The following AKAP13 variants were observed in gnomAD, a reference collection of about 807,000 sequenced individuals.
AKAP13 encodes A-kinase anchoring protein 13.
AKAP13 carries 80 observed loss-of-function variants against 264.5 expected under a neutral mutation model. The ratio of observed to expected loss-of-function variants is 0.30; its 90% CI spans 0.25 to 0.36. The LOEUF is 0.36. Among genes scored for constraint, AKAP13 ranks in the 10% least tolerant of loss-of-function variants. The pLI is 1.00. For synonymous variants in AKAP13, 1,380 were observed against 1,250.2 expected, an observed-to-expected ratio of 1.10 and a Z score of -2.19; for missense variants, 3,712 against 3,435.2, an observed-to-expected ratio of 1.08 and a Z score of -2.01.
chr15:85,699,988 G>A (rs1200776178), intron 17 of AKAP13, among the ~76,000 whole-genome samples: 1 of 152,224 alleles, frequency 6.6e-6, no homozygotes, highest in East Asian at 1.9e-4. Flanking sequence ...GTTATAATGA[G>A]TGGCTGTACC....
At chr15:85,473,802 C>T (rs570517046) in intron 1 of AKAP13, among the ~76,000 whole-genome samples, 23 of 152,308 alleles carry the variant, frequency 1.5e-4, no homozygotes, top group African/African-American at 4.6e-4. Context: ...AATAACCACT[C>T]GCCTGAGAGG....
At chr15:85,685,685 A>G (rs1045288994) in intron 16 of AKAP13, among the ~76,000 whole-genome samples, 1 of 152,058 alleles carries the variant, frequency 6.6e-6, no homozygotes, top group Non-Finnish European at 1.5e-5. Flanking sequence ...GTAAAGATGA[A>G]GTCTTGCTGT....
intron 1 of AKAP13, among the ~76,000 whole-genome samples, chr15:85,401,920 C>G (rs1405387077): frequency 6.6e-6 from 1 of 152,170 alleles, no homozygotes; most frequent in Non-Finnish European, 1.5e-5. Flanking sequence ...AACTCACTGA[C>G]TGGTAGAAAT....
At chr15:85,398,418 C>T (rs570740377) in intron 1 of AKAP13, among the ~76,000 whole-genome samples, 5 of 152,236 alleles carry the variant, frequency 3.3e-5, no homozygotes, top group African/African-American at 1.2e-4. Flanking sequence ...TCTTTCCAAA[C>T]TTGAAAACTT....
intron 9 of AKAP13, among the ~76,000 whole-genome samples, chr15:85,645,401 T>G (rs1239479638): frequency 6.6e-6 from 1 of 152,184 alleles, no homozygotes; most frequent in African/African-American, 2.4e-5. Flanking sequence ...CCTATAAGTT[T>G]AAAACAAACC....
At chr15:85,679,708 T>C (rs1180023537) in intron 14 of AKAP13, among the ~76,000 whole-genome samples, 3 of 152,256 alleles carry the variant, frequency 2.0e-5, no homozygotes, top group African/African-American at 7.2e-5. Context: ...AGTTCCTGGC[T>C]GTAGTATAAA....
At chr15:85,668,173 C>T (rs11638278) in intron 13 of AKAP13, among the ~76,000 whole-genome samples, 30,486 of 152,182 alleles carry the variant, frequency 0.2, 4,047 homozygotes, top group Middle Eastern at 0.42. Context: ...GTATTTGAAA[C>T]ATAGCAACTG....
chr15:85,499,678 C>G (rs974885987), intron 2 of AKAP13, among the ~76,000 whole-genome samples: 8 of 151,724 alleles, frequency 5.3e-5, no homozygotes, highest in African/African-American at 1.9e-4. Context: ...CTAACACATG[C>G]ATAAAGAAAA....
chr15:85,619,755 A>T, intron 8 of AKAP13: 1 of 1,042,346 alleles, frequency 9.6e-7, no homozygotes, highest in Non-Finnish European at 1.2e-6. Context: ...ATTGCCAGTG[A>T]TGGAAACGGT....
intron 1 of AKAP13, among the ~76,000 whole-genome samples, chr15:85,421,649 T>C (rs2072529153): frequency 6.6e-6 from 1 of 152,264 alleles, no homozygotes; most frequent in South Asian, 2.1e-4. Flanking sequence ...CTCTCTAATA[T>C]TCACTCTTGT....
intron 1 of AKAP13, among the ~76,000 whole-genome samples, chr15:85,383,875 C>T (rs2070417549): frequency 6.6e-6 from 1 of 152,176 alleles, no homozygotes; most frequent in South Asian, 2.1e-4. Context: ...TAAGGTAGAG[C>T]TGGACTGGGT....
rs529085802 is a variant in AKAP13, at chr15:85,709,397, A to G, written c.5533-1182A>G. On this transcript the variant is annotated intron_variant, in intron 18 of 36. Coordinates refer to ENST00000394518, the MANE Select transcript of AKAP13 (RefSeq NM_007200.5). ...TTGGCTCCATCAGTGGCGCCTGAGC[A>G]CCTCACAGGGAGGGAGGGATGGCTG... Among the ~76,000 whole-genome samples the G allele has an allele frequency of 3.9e-5, 6 of 152,236 alleles. No homozygotes were observed. In the South Asian group the frequency reaches 1.0e-3, roughly 26 times the overall value.
At chr15:85,701,484 G>C (rs2085909526) in intron 17 of AKAP13, among the ~76,000 whole-genome samples, 1 of 152,016 alleles carries the variant, frequency 6.6e-6, no homozygotes. Flanking sequence ...CTGTCACCTA[G>C]GCTGGAGTAC....
intron 2 of AKAP13, among the ~76,000 whole-genome samples, chr15:85,497,697 C>G (rs1567088298): frequency 6.6e-6 from 1 of 152,244 alleles, no homozygotes; most frequent in South Asian, 2.1e-4. Context: ...AAATAGTGCT[C>G]AGTTGCTACA....
intron 8 of AKAP13, among the ~76,000 whole-genome samples, chr15:85,595,406 A>G (rs1474907126): frequency 1.3e-5 from 2 of 152,164 alleles, no homozygotes; most frequent in Non-Finnish European, 2.9e-5. Flanking sequence ...GCCAAATACC[A>G]GATAATTTTT....
intron 1 of AKAP13, among the ~76,000 whole-genome samples, chr15:85,483,048 A>G (rs1486626089): frequency 6.6e-6 from 1 of 152,232 alleles, no homozygotes; most frequent in African/African-American, 2.4e-5. Context: ...AGAGGAGTTT[A>G]TAATTCCGAA....
intron 1 of AKAP13, among the ~76,000 whole-genome samples, chr15:85,466,629 G>T (rs910232848): frequency 6.6e-5 from 10 of 152,162 alleles, no homozygotes; most frequent in African/African-American, 2.4e-4. Flanking sequence ...AGTCATTTTT[G>T]AATCCTTTGG....
intron 1 of AKAP13, among the ~76,000 whole-genome samples, chr15:85,430,003 G>C (rs2072956727): frequency 6.6e-6 from 1 of 152,186 alleles, no homozygotes; most frequent in Non-Finnish European, 1.5e-5. Flanking sequence ...AATGGATTTA[G>C]GCAGAATGTC....
intron 9 of AKAP13, among the ~76,000 whole-genome samples, chr15:85,640,308 C>T (rs1409666519): frequency 1.3e-5 from 2 of 152,138 alleles, no homozygotes; most frequent in East Asian, 3.9e-4. Flanking sequence ...TTTTACCCAG[C>T]AAGCCTCTGT....
Sources: allele counts gnomAD v4.1 joint callset (sites outside exome capture counted in the v4.1 genomes callset), GRCh38; gene constraint gnomAD v4.1.1; transcripts MANE v1.5; gene names NCBI Gene and HGNC (gene_info 2026-07-23, HGNC 2026-07-21).